Variants in CCSER1 observed in about 807,000 individuals in gnomAD.
CCSER1 encodes coiled-coil serine rich protein 1, also known as serine-rich coiled-coil domain-containing protein 1.
Under a neutral mutation model 82.0 loss-of-function variants are expected in CCSER1, and 41 were observed. That is an observed-to-expected ratio of 0.50 (90% CI 0.39 to 0.65). The LOEUF is 0.65. Among genes scored for constraint, CCSER1 ranks in the 30% least tolerant of loss-of-function variants. The pLI is 0.00. For synonymous variants in CCSER1, 414 were observed against 383.9 expected, an observed-to-expected ratio of 1.08 and a Z score of -0.92; for missense variants, 1,119 against 1,064.2, an observed-to-expected ratio of 1.05 and a Z score of -0.72.
intron 1 of CCSER1, among the ~76,000 whole-genome samples, chr4:90,205,121 A>G (rs181437530): frequency 1.3e-5 from 2 of 152,328 alleles, no homozygotes; most frequent in Admixed American, 1.3e-4. Context: ...CTAAATATCC[A>G]ATCATGTCAT....
intron 10 of CCSER1, among the ~76,000 whole-genome samples, chr4:91,464,429 G>A (rs1345541995): frequency 1.3e-5 from 2 of 152,150 alleles, no homozygotes; most frequent in African/African-American, 4.8e-5. Context: ...TCGATGCTAA[G>A]AAGAAACTGC....
chr4:91,367,317 CAAAAAAAAAAA>C (rs557952182), intron 10 of CCSER1, among the ~76,000 whole-genome samples: 1 of 75,042 alleles, frequency 1.3e-5, no homozygotes, highest in African/African-American at 6.0e-5. Context: ...ATCCTGTCTC[CAAAAAAAAAAA>C]AAAAAAAAAA....
At chr4:91,412,984 GA>G (rs1753149154) in intron 10 of CCSER1, among the ~76,000 whole-genome samples, 1 of 151,642 alleles carries the variant, frequency 6.6e-6, no homozygotes, top group Admixed American at 6.6e-5. Flanking sequence ...ATGATATTAG[GA>G]AAAAAATGCA....
At chr4:90,663,343 A>G (rs548992000) in intron 6 of CCSER1, among the ~76,000 whole-genome samples, 1 of 152,356 alleles carries the variant, frequency 6.6e-6, no homozygotes, top group South Asian at 2.1e-4. Flanking sequence ...AACCCAGTCA[A>G]CAAGTGAAAC....
At chr4:91,325,135 G>A (rs1746463841) in intron 10 of CCSER1, 1 of 455,762 alleles carries the variant, frequency 2.2e-6, no homozygotes, top group East Asian at 7.0e-5. Context: ...TTCCACAGGT[G>A]TCAAATGGGT....
intron 6 of CCSER1, among the ~76,000 whole-genome samples, chr4:90,688,448 A>G (rs183704479): frequency 1.3e-5 from 2 of 152,044 alleles, no homozygotes; most frequent in African/African-American, 4.8e-5. Context: ...CTTTTAAATA[A>G]TTTTTCTACC....
At chr4:90,213,165 A>G (rs1173257659) in intron 1 of CCSER1, among the ~76,000 whole-genome samples, 1 of 152,190 alleles carries the variant, frequency 6.6e-6, no homozygotes, top group Non-Finnish European at 1.5e-5. Flanking sequence ...GGAGAAAGCA[A>G]TGGTAGCTGA....
chr4:91,581,928 G>A lies in CCSER1; in HGVS notation c.2218-16644G>A, dbSNP rs77571985. ...CCTAGTTGAGAACCACTGATTTACC[G>A]TATTAATTATTTTTACTTGATTCAT... On this transcript the variant is annotated intron_variant, in intron 10 of 10. Coordinates refer to ENST00000509176, the MANE Select transcript of CCSER1 (RefSeq NM_001145065.2). 2.8e-3 allele frequency among the ~76,000 whole-genome samples: 426 copies of A among 151,558 alleles called. 1 individual carries two copies. Among genetic ancestry groups the A allele is most frequent in the African/African-American group, 9.6e-3 (399 of 41,434 alleles).
intron 9 of CCSER1, among the ~76,000 whole-genome samples, chr4:90,978,761 A>G (rs1272874061): frequency 6.6e-6 from 1 of 151,658 alleles, no homozygotes; most frequent in Non-Finnish European, 1.5e-5. Flanking sequence ...TATGTTTTGT[A>G]TGCATGGTTT....
chr4:91,437,091 T>C (rs980976440), intron 10 of CCSER1, among the ~76,000 whole-genome samples: 9 of 152,240 alleles, frequency 5.9e-5, no homozygotes, highest in Non-Finnish European at 8.8e-5. Context: ...GAGGCCATGC[T>C]TAGTGTCCTT....
At chr4:90,883,324 CTTTGT>C (rs1032710979) in intron 8 of CCSER1, among the ~76,000 whole-genome samples, 2 of 151,866 alleles carry the variant, frequency 1.3e-5, no homozygotes, top group African/African-American at 2.4e-5. Context: ...GCCCACAAAA[CTTTGT>C]TTTATTTTCA....
intron 5 of CCSER1, among the ~76,000 whole-genome samples, chr4:90,605,892 A>G (rs1287700750): frequency 1.3e-5 from 2 of 151,974 alleles, no homozygotes; most frequent in Non-Finnish European, 2.9e-5. Flanking sequence ...TTCTAGTTTT[A>G]TAGTGCTTAA....
intron 10 of CCSER1, among the ~76,000 whole-genome samples, chr4:91,147,715 C>T (rs908820997): frequency 5.3e-5 from 8 of 152,294 alleles, no homozygotes; most frequent in African/African-American, 1.9e-4. Flanking sequence ...GCCAGCAAAA[C>T]TCTATTTTAA....
rs759055859 is a variant in CCSER1 at position 90,709,945 on chromosome 4, TG to T, written c.1933-13968del. ...TTTTCTCTGCAACCTTGCCAGCATC[TG>T]TTTTTTTTTTTTTTTTGACTTTTTA... is the stretch of plus-strand genomic sequence containing the variant. On this transcript the variant is annotated intron_variant, in intron 6 of 10. Coordinates refer to ENST00000509176, the MANE Select transcript of CCSER1 (RefSeq NM_001145065.2). Among the ~76,000 whole-genome samples, 593 of 102,414 alleles carry T rather than the reference TG, an allele frequency of 5.8e-3. 8 individuals are homozygous for T. The highest frequency in any genetic ancestry group is 0.022 in the African/African-American group (566 of 26,084). 67.2% of individuals were successfully genotyped at this position (102,414 alleles called of 152,430 possible).
chr4:90,240,190 A>T (rs1034621370), intron 1 of CCSER1, among the ~76,000 whole-genome samples: 2 of 152,156 alleles, frequency 1.3e-5, no homozygotes, highest in Admixed American at 1.3e-4. Flanking sequence ...TAACCAAACC[A>T]GTGGCTATGT....
At chr4:90,618,087 G>C (rs1283695958) in intron 5 of CCSER1, among the ~76,000 whole-genome samples, 1 of 151,308 alleles carries the variant, frequency 6.6e-6, no homozygotes, top group African/African-American at 2.5e-5. Context: ...AGAATGGAAT[G>C]TATGAAATCT....
intron 4 of CCSER1, among the ~76,000 whole-genome samples, chr4:90,421,995 A>G (rs1756766101): frequency 6.6e-6 from 1 of 152,176 alleles, no homozygotes; most frequent in Non-Finnish European, 1.5e-5. Flanking sequence ...AGGGAGAAGG[A>G]TAGAACATTT....
chr4:90,298,209 G>T (rs1732374617), intron 1 of CCSER1, among the ~76,000 whole-genome samples: 2 of 151,886 alleles, frequency 1.3e-5, no homozygotes, highest in South Asian at 2.1e-4. Flanking sequence ...ACTTCTTCCT[G>T]GTTTAGTCTT....
rs541248701 is a variant in CCSER1 at position 90,159,683 on chromosome 4, C to G, written c.-42+31852C>G. Among the ~76,000 whole-genome samples, 33 of 152,300 alleles carry G rather than the reference C, an allele frequency of 2.2e-4. No individual in the cohort carries two copies. In the South Asian group the frequency reaches 6.6e-3, roughly 31 times the overall value. On this transcript the variant is annotated intron_variant, in intron 1 of 10. Coordinates refer to ENST00000509176, the MANE Select transcript of CCSER1 (RefSeq NM_001145065.2). ...TATTCACAGAATGTAGTGACCTACT[C>G]TATTTACATTGTTTTACATTTCAGA...
Sources: gnomAD v4.1 joint callset for allele counts (sites outside exome capture counted in the v4.1 genomes callset) on GRCh38, gnomAD v4.1.1 for gene constraint, MANE v1.5 for transcripts, NCBI Gene and HGNC (gene_info 2026-07-23, HGNC 2026-07-21) for gene names.